Variants in WNK2 observed in about 807,000 individuals in gnomAD.
WNK2 encodes the protein serine/threonine-protein kinase WNK2.
WNK2 carries 67 observed loss-of-function variants against 192.1 expected under a neutral mutation model. That is an observed-to-expected ratio of 0.35 (90% CI 0.29 to 0.43). WNK2 has a LOEUF of 0.43. Ranked by LOEUF, WNK2 falls within the 20% of genes least tolerant of loss-of-function variation. The pLI, the probability that WNK2 is intolerant of heterozygous loss-of-function variation, is 1.00. For synonymous variants in WNK2, 1,439 were observed against 1,393.9 expected, an observed-to-expected ratio of 1.03 and a Z score of -0.72; for missense variants, 2,698 against 3,089.7, an observed-to-expected ratio of 0.87 and a Z score of 3.01.
chr9:93,262,771 G>T, intron 14 of WNK2, 52 bp downstream of exon 14: 1 of 1,584,216 alleles, frequency 6.3e-7, no homozygotes, highest in Non-Finnish European at 8.6e-7. Flanking sequence ...GCGCAGGCCT[G>T]TACAGCCACT....
intron 6 of WNK2, 99 bp downstream of exon 6, chr9:93,238,420 C>G: frequency 8.8e-7 from 1 of 1,130,832 alleles, no homozygotes. Flanking sequence ...GACTTCAAGA[C>G]AGGCAGGCTC....
At chr9:93,189,151 G>A (rs1829875986) in intron 2 of WNK2, among the ~76,000 whole-genome samples, 1 of 152,080 alleles carries the variant, frequency 6.6e-6, no homozygotes, top group African/African-American at 2.4e-5. Context: ...TCTCCCTTGG[G>A]GACCTGGAGT....
chr9:93,214,202 A>T (rs569274729), intron 2 of WNK2, among the ~76,000 whole-genome samples: 1 of 152,288 alleles, frequency 6.6e-6, no homozygotes. Flanking sequence ...CTGTCTAAAG[A>T]GTCCCTATTC....
chr9:93,241,195 C>T (rs1250419375), intron 7 of WNK2, among the ~76,000 whole-genome samples: 2 of 152,216 alleles, frequency 1.3e-5, no homozygotes, highest in African/African-American at 4.8e-5. Context: ...AAAACATGAA[C>T]AAACGTTGAC....
chr9:93,233,290 G>A (rs1422904915), intron 4 of WNK2, among the ~76,000 whole-genome samples: 1 of 151,358 alleles, frequency 6.6e-6, no homozygotes, highest in Non-Finnish European at 1.5e-5. Flanking sequence ...CCCGGCGTCA[G>A]GCCCCTCCAC....
intron 8 of WNK2, among the ~76,000 whole-genome samples, chr9:93,251,781 G>A (rs1472813850): frequency 6.6e-6 from 1 of 152,090 alleles, no homozygotes; most frequent in Non-Finnish European, 1.5e-5. Flanking sequence ...GTCTATACAC[G>A]TTCTCCCCTT....
chr9:93,285,308 G>A (rs1011785968), intron 19 of WNK2, among the ~76,000 whole-genome samples: 4 of 152,160 alleles, frequency 2.6e-5, no homozygotes, highest in Admixed American at 1.3e-4. Context: ...GATTGGAAAG[G>A]AAGAAATAAA....
At chr9:93,207,515 A>AG (rs1833613722) in intron 2 of WNK2, among the ~76,000 whole-genome samples, 2 of 152,312 alleles carry the variant, frequency 1.3e-5, no homozygotes, top group African/African-American at 4.8e-5. Context: ...ACCCTTCAGG[A>AG]GGAGCCCAAC....
chr9:93,221,193 G>A (rs1836819696), intron 2 of WNK2, among the ~76,000 whole-genome samples: 1 of 152,216 alleles, frequency 6.6e-6, no homozygotes, highest in Non-Finnish European at 1.5e-5. Flanking sequence ...CAGGCAGGTG[G>A]GTGGGGACCC....
intron 29 of WNK2, chr9:93,319,404 G>T: frequency 1.0e-6 from 1 of 985,454 alleles, no homozygotes; most frequent in Non-Finnish European, 1.2e-6. Flanking sequence ...ATCTGGCAGG[G>T]CTGCCTGGCC....
intron 2 of WNK2, among the ~76,000 whole-genome samples, chr9:93,207,247 G>A (rs1479073444): frequency 1.3e-5 from 2 of 152,174 alleles, no homozygotes; most frequent in Non-Finnish European, 2.9e-5. Flanking sequence ...TAGTTATCAG[G>A]ATCTCCCATA....
At chr9:93,213,216 C>G (rs1835105163) in intron 2 of WNK2, among the ~76,000 whole-genome samples, 1 of 152,156 alleles carries the variant, frequency 6.6e-6, no homozygotes. Context: ...ACCCCGGGCT[C>G]TGAAGCTGGA....
At chr9:93,255,072 A>G (rs2132712298) in intron 9 of WNK2, among the ~76,000 whole-genome samples, 1 of 152,328 alleles carries the variant, frequency 6.6e-6, no homozygotes, top group African/African-American at 2.4e-5. Flanking sequence ...GAGCAGGGAC[A>G]TCACAGGTAC....
At chr9:93,217,512 G>A (rs538869135) in intron 2 of WNK2, among the ~76,000 whole-genome samples, 60 of 152,308 alleles carry the variant, frequency 3.9e-4, no homozygotes, top group African/African-American at 1.2e-3. Context: ...CTGCCGTCTC[G>A]GTTGTGGTCC....
intron 28 of WNK2, among the ~76,000 whole-genome samples, chr9:93,313,590 C>T (rs1220358766): frequency 6.6e-6 from 1 of 151,920 alleles, no homozygotes; most frequent in Non-Finnish European, 1.5e-5. Flanking sequence ...AATTTGAGGT[C>T]TAGTAATAGG....
chr9:93,247,752 C>G lies in WNK2; in HGVS notation c.1752C>G (p.Pro584=). The G allele has an allele frequency of 6.4e-7, 1 of 1,553,384 alleles. No homozygotes were observed. The highest frequency in any genetic ancestry group is 8.7e-7 in the Non-Finnish European group (1 of 1,149,898). The change falls in exon 8 of 30, where the codon CCC becomes CCG. Residue 584 remains proline, a synonymous_variant. Coordinates refer to ENST00000427277, the MANE Select transcript of WNK2 (RefSeq NM_006648.4). The surrounding 1 kb of genome is among the most constrained non-coding windows in gnomAD (Gnocchi z 5.2). ...QVTYHAQAGQ[P]GPPEPEEPEA... is the part of the protein sequence containing the mutation. ...CCTACCATGCACAGGCTGGGCAGCC[C>G]GGGCCACCAGAGCCCGAGGAGCCGG...
intron 8 of WNK2, among the ~76,000 whole-genome samples, chr9:93,249,584 C>T (rs1842241821): frequency 6.6e-6 from 1 of 152,186 alleles, no homozygotes; most frequent in Admixed American, 6.5e-5. Flanking sequence ...TGCCATTCTC[C>T]TGCCTCAGCC....
intron 2 of WNK2, among the ~76,000 whole-genome samples, chr9:93,196,628 A>G (rs995941430): frequency 6.6e-6 from 1 of 152,180 alleles, no homozygotes. Context: ...TAATCCATAA[A>G]GAGAAATATT....
At position 93,320,470 on chromosome 9, in the gene WNK2, GT is replaced by G; in HGVS notation, c.*79del. On this transcript the variant is annotated 3_prime_UTR_variant, in exon 30 of 30. Transcript: ENST00000427277. Reference sequence around the variant, plus strand: ...ACCCTCAGGGCCAGCTGCTCCTCCTGTCCAGTTCACGCTGTTTTGTAACCAC... The same window carrying G: ...ACCCTCAGGGCCAGCTGCTCCTCCTGCCAGTTCACGCTGTTTTGTAACCAC... The G allele has an allele frequency of 7.4e-7, 1 of 1,342,606 alleles. No individual in the cohort carries two copies. The highest frequency in any genetic ancestry group is 1.1e-5 in the South Asian group (1 of 87,524). 83.2% of individuals were successfully genotyped at this position (1,342,606 alleles called of 1,614,324 possible).
Sources: allele counts gnomAD v4.1 joint callset (sites outside exome capture counted in the v4.1 genomes callset), GRCh38; gene constraint gnomAD v4.1.1; non-coding constraint Gnocchi (gnomAD v3.1); transcripts MANE v1.5; gene names NCBI Gene and HGNC (gene_info 2026-07-23, HGNC 2026-07-21).